Variants in GRM5 observed in about 807,000 individuals in gnomAD.
GRM5 encodes metabotropic glutamate receptor 5.
A neutral mutation model predicts 83.1 loss-of-function variants in GRM5; 19 were observed. The ratio of observed to expected loss-of-function variants is 0.23; its 90% CI spans 0.16 to 0.34. The LOEUF is 0.34. Among genes scored for constraint, GRM5 ranks in the 10% least tolerant of loss-of-function variants. The probability of loss-of-function intolerance (pLI) is 1.00; values close to 1 mark genes in which losing one functional copy is unlikely to be tolerated. For synonymous variants in GRM5, 675 were observed against 633.6 expected (o/e 1.07, Z -0.98); for missense variants, 1,160 against 1,588.3 (o/e 0.73, Z 4.58).
chr11:88,756,754 A>G (rs564732790), intron 3 of GRM5, among the ~76,000 whole-genome samples: 7 of 152,254 alleles, frequency 4.6e-5, no homozygotes, highest in African/African-American at 1.7e-4. Flanking sequence ...ACAAAAAGTA[A>G]AAAGGTAGGA....
chr11:88,708,649 C>G (rs1941214396), intron 3 of GRM5, among the ~76,000 whole-genome samples: 1 of 151,982 alleles, frequency 6.6e-6, no homozygotes, highest in African/African-American at 2.4e-5. Context: ...CCACACTAAG[C>G]CTCAAACATT....
intron 3 of GRM5, among the ~76,000 whole-genome samples, chr11:88,763,365 C>T (rs1322639775): frequency 6.6e-6 from 1 of 151,810 alleles, no homozygotes; most frequent in Non-Finnish European, 1.5e-5. Flanking sequence ...AATATGTCCA[C>T]AGTCATAAAA....
chr11:88,747,681 C>T (rs1942171879), intron 3 of GRM5, among the ~76,000 whole-genome samples: 2 of 146,296 alleles, frequency 1.4e-5, no homozygotes, highest in African/African-American at 2.5e-5. Flanking sequence ...AAAGTGAGTG[C>T]AGTTTGTCTA....
intron 8 of GRM5, among the ~76,000 whole-genome samples, chr11:88,537,255 G>A (rs1243282642): frequency 7.3e-6 from 1 of 137,192 alleles, no homozygotes; most frequent in Non-Finnish European, 1.6e-5. Context: ...CTACATAATG[G>A]TCAAGTGGAA....
chr11:88,731,920 T>C (rs897839382), intron 3 of GRM5, among the ~76,000 whole-genome samples: 1 of 152,092 alleles, frequency 6.6e-6, no homozygotes, highest in African/African-American at 2.4e-5. Context: ...CAGGCTGAGC[T>C]GACCTAAGAC....
chr11:88,991,458 A>G (rs1023455647), intron 2 of GRM5, among the ~76,000 whole-genome samples: 2 of 152,042 alleles, frequency 1.3e-5, no homozygotes, highest in African/African-American at 4.8e-5. Flanking sequence ...TATAGATTCA[A>G]TGCCATCCCC....
chr11:88,553,586 G>A (rs1034973533), intron 8 of GRM5, among the ~76,000 whole-genome samples: 4 of 152,264 alleles, frequency 2.6e-5, no homozygotes, highest in Admixed American at 2.6e-4. Context: ...ACAGGCCACA[G>A]CATAGGGGAA....
At chr11:88,784,746 G>T (rs554576324) in intron 3 of GRM5, among the ~76,000 whole-genome samples, 3 of 152,036 alleles carry the variant, frequency 2.0e-5, no homozygotes, top group East Asian at 3.9e-4. Flanking sequence ...ATAAATGCAG[G>T]ATTTCATTTC....
intron 2 of GRM5, among the ~76,000 whole-genome samples, chr11:89,006,481 CT>C (rs1186329529): frequency 6.6e-6 from 1 of 152,154 alleles, no homozygotes; most frequent in African/African-American, 2.4e-5. Context: ...GCTGAAGAAC[CT>C]AAATGCACAC....
Position 88,522,601 on chromosome 11 carries a change from C to CTGTGTGTG in GRM5, c.2726+2707_2726+2708insCACACACA, listed in dbSNP as rs1228808793. Among the ~76,000 whole-genome samples, 34 of 93,602 alleles carry CTGTGTGTG rather than the reference C, an allele frequency of 3.6e-4. No homozygotes were observed. In the East Asian group the frequency reaches 7.4e-3, roughly 20 times the overall value. The allele number at this position is 93,602 out of a possible 152,430, so 61.4% of individuals were successfully genotyped here. A position where few individuals can be genotyped will look rare whatever the true frequency, so the allele number is the denominator to read the frequency against. On this transcript the variant is annotated intron_variant, in intron 9 of 9. Coordinates refer to ENST00000305447, the MANE Select transcript of GRM5 (RefSeq NM_001143831.3). Reference sequence around the variant, plus strand: ...TCTCTCTCTCTCGCTCTCTCTCTCTCTCTGTGTGTGTGTGTGTGTGTGTGT... The same window carrying CTGTGTGTG: ...TCTCTCTCTCTCGCTCTCTCTCTCTCTGTGTGTGTCTGTGTGTGTGTGTGTGTGTGTGT...
intron 2 of GRM5, among the ~76,000 whole-genome samples, chr11:88,963,656 CT>C (rs985429472): frequency 6.6e-6 from 1 of 152,136 alleles, no homozygotes; most frequent in South Asian, 2.1e-4. Flanking sequence ...TTGGCTTTTA[CT>C]TTTTTTATCT....
chr11:88,554,804 G>A (rs896993909), intron 8 of GRM5, among the ~76,000 whole-genome samples: 4 of 152,138 alleles, frequency 2.6e-5, no homozygotes, highest in African/African-American at 9.7e-5. Flanking sequence ...CATAATCTCT[G>A]AGACTGCTAT....
At chr11:88,525,454 G>T in intron 8 of GRM5, 50 bp from the exon 9 acceptor site, 1 of 1,138,078 alleles carries the variant, frequency 8.8e-7, no homozygotes, top group Non-Finnish European at 1.3e-6. Flanking sequence ...GTGATTGTGT[G>T]CTTAACTGCC....
intron 4 of GRM5, among the ~76,000 whole-genome samples, chr11:88,634,633 T>C (rs115991059): frequency 2.2e-3 from 340 of 152,310 alleles, no homozygotes; most frequent in African/African-American, 7.9e-3. Flanking sequence ...ATGATAACAA[T>C]ACTTTCTGGA....
chr11:88,735,725 C>A (rs2135411062), intron 3 of GRM5, among the ~76,000 whole-genome samples: 1 of 152,136 alleles, frequency 6.6e-6, no homozygotes, highest in Admixed American at 6.6e-5. Flanking sequence ...ATTCAACATC[C>A]TTTCATTTTA....
chr11:88,770,494 A>C (rs922537425), intron 3 of GRM5, among the ~76,000 whole-genome samples: 1 of 152,126 alleles, frequency 6.6e-6, no homozygotes, highest in Non-Finnish European at 1.5e-5. Context: ...GTGAATCTAA[A>C]ACTTCTCTTA....
intron 2 of GRM5, among the ~76,000 whole-genome samples, chr11:88,918,054 A>C (rs564528868): frequency 1.3e-5 from 2 of 152,104 alleles, no homozygotes; most frequent in Non-Finnish European, 2.9e-5. Flanking sequence ...CAAACATCAA[A>C]AATAAAGAAA....
intron 2 of GRM5, among the ~76,000 whole-genome samples, chr11:88,935,203 C>T (rs1937851364): frequency 6.6e-6 from 1 of 151,864 alleles, no homozygotes; most frequent in African/African-American, 2.4e-5. Flanking sequence ...TTCTCCACAA[C>T]CCCATGTTCT....
intron 3 of GRM5, among the ~76,000 whole-genome samples, chr11:88,658,952 T>C (rs1180761884): frequency 6.6e-6 from 1 of 151,970 alleles, no homozygotes; most frequent in African/African-American, 2.4e-5. Flanking sequence ...TACAAAGACA[T>C]GATGAGAAGT....
Sources: allele counts gnomAD v4.1 joint callset (sites outside exome capture counted in the v4.1 genomes callset), GRCh38; gene constraint gnomAD v4.1.1; transcripts MANE v1.5; gene names NCBI Gene and HGNC (gene_info 2026-07-23, HGNC 2026-07-21).